The following PDGFD variants were observed in gnomAD, a reference collection of about 807,000 sequenced individuals.
PDGFD encodes platelet-derived growth factor D.
A neutral mutation model predicts 44.7 loss-of-function variants in PDGFD; 30 were observed. The observed-to-expected ratio is 0.67, with a 90% confidence interval of 0.50 to 0.91. The LOEUF is 0.91. PDGFD is among the 40% of genes least tolerant of loss of function. The pLI is 0.00. For missense variants in PDGFD, 445 were observed against 457.8 expected (o/e 0.97, Z 0.25); for synonymous variants, 173 against 168.4 (o/e 1.03, Z -0.21).
At position 104,038,109 on chromosome 11, in the gene PDGFD, C is replaced by T. The variant is rs1364532559; in HGVS notation, c.125-37854G>A. On this transcript the variant is annotated intron_variant, in intron 1 of 6. Transcript: ENST00000393158. ...TGGCAATGTAATCATTAAAAAACAT[C>T]AGTAACAACTAAACCTGGCCTTGGG... 9 of 1,259,722 alleles carry T rather than the reference C, an allele frequency of 7.1e-6. No homozygotes were observed. The Admixed American group carries it at 2.2e-4, about 30-fold the overall frequency. The allele number at this position is 1,259,722 out of a possible 1,614,324, so 78.0% of individuals were successfully genotyped here.
At chr11:104,103,395 A>G (rs1236754926) in intron 1 of PDGFD, among the ~76,000 whole-genome samples, 3 of 150,878 alleles carry the variant, frequency 2.0e-5, no homozygotes, top group Non-Finnish European at 3.0e-5. Flanking sequence ...TCACCTGAAC[A>G]TATTTCTTTC....
At chr11:104,122,514 C>T (rs889915167) in intron 1 of PDGFD, among the ~76,000 whole-genome samples, 3 of 151,962 alleles carry the variant, frequency 2.0e-5, no homozygotes, top group African/African-American at 7.2e-5. Flanking sequence ...ACAGCAGAAC[C>T]AGCAACCCAT....
intron 5 of PDGFD, among the ~76,000 whole-genome samples, chr11:103,936,742 T>C (rs147947465): frequency 0.011 from 1,668 of 152,268 alleles, 35 homozygotes; most frequent in African/African-American, 0.036. Flanking sequence ...ATCACATATT[T>C]CAAACGTCAT....
intron 1 of PDGFD, chr11:104,036,680 C>T (rs1001438638): frequency 1.5e-6 from 1 of 677,262 alleles, no homozygotes; most frequent in East Asian, 2.5e-5. Flanking sequence ...TGAGTGTCCG[C>T]GCCTCTCTGA....
At chr11:104,069,830 A>G (rs1325931010) in intron 1 of PDGFD, among the ~76,000 whole-genome samples, 1 of 151,744 alleles carries the variant, frequency 6.6e-6, no homozygotes. Flanking sequence ...ACTGCACTCC[A>G]GCCTGGGTGA....
intron 1 of PDGFD, among the ~76,000 whole-genome samples, chr11:104,138,964 G>A (rs1256770886): frequency 6.6e-6 from 1 of 152,104 alleles, no homozygotes; most frequent in Non-Finnish European, 1.5e-5. Context: ...TTTTGGTCAT[G>A]TTGGCCAAGC....
rs1288650838 is a variant in PDGFD at position 103,909,002 on chromosome 11, C to A, written c.*692G>T. 1 of 152,136 alleles carries A rather than the reference C, an allele frequency of 6.6e-6. No homozygotes were observed. The highest frequency in any genetic ancestry group is 6.5e-5 in the Admixed American group (1 of 15,272). The allele number at this position is 152,136 out of a possible 1,614,324, so 9.4% of individuals were successfully genotyped here. A position where few individuals can be genotyped will look rare whatever the true frequency, so the allele number is the denominator to read the frequency against. On this transcript the variant is annotated 3_prime_UTR_variant, in exon 7 of 7. Coordinates refer to ENST00000393158, the MANE Select transcript of PDGFD (RefSeq NM_025208.5). Reference sequence around the variant, plus strand: ...ATGCCTCAGCAAAATGCATAAAAAACACAATGATTTAATTTCTAAAGCACT... The same window carrying A: ...ATGCCTCAGCAAAATGCATAAAAAAAACAATGATTTAATTTCTAAAGCACT...
At chr11:104,021,462 C>A (rs1859951962) in intron 1 of PDGFD, among the ~76,000 whole-genome samples, 1 of 152,142 alleles carries the variant, frequency 6.6e-6, no homozygotes, top group African/African-American at 2.4e-5. Flanking sequence ...ACTGAGACAA[C>A]AGAATGCAGG....
intron 1 of PDGFD, among the ~76,000 whole-genome samples, chr11:104,099,493 G>T (rs760890634): frequency 2.6e-4 from 39 of 151,906 alleles, no homozygotes; most frequent in Non-Finnish European, 4.4e-4. Flanking sequence ...TTAGCCAGGT[G>T]TGGTGGCACA....
intron 1 of PDGFD, among the ~76,000 whole-genome samples, chr11:104,117,994 G>C (rs1346562917): frequency 6.6e-6 from 1 of 151,918 alleles, no homozygotes; most frequent in Non-Finnish European, 1.5e-5. Context: ...TTATTGTAAA[G>C]TGACTAAATT....
intron 3 of PDGFD, among the ~76,000 whole-genome samples, chr11:103,954,724 G>T (rs1056994146): frequency 2.0e-5 from 3 of 152,256 alleles, no homozygotes; most frequent in Admixed American, 1.3e-4. Context: ...AGAAAATAAA[G>T]AAATCCCTCT....
chr11:103,943,307 G>T, intron 5 of PDGFD, 145 bp downstream of exon 5: 1 of 735,284 alleles, frequency 1.4e-6, no homozygotes, highest in Non-Finnish European at 2.2e-6. Context: ...GAGCCAGCAA[G>T]TATAAATGTA....
intron 5 of PDGFD, among the ~76,000 whole-genome samples, chr11:103,941,118 G>A (rs1446447877): frequency 6.6e-6 from 1 of 152,030 alleles, no homozygotes; most frequent in African/African-American, 2.4e-5. Flanking sequence ...GACACTGGCT[G>A]TCTCTAAGGA....
intron 3 of PDGFD, among the ~76,000 whole-genome samples, chr11:103,993,301 T>C (rs1859487512): frequency 1.3e-5 from 2 of 151,890 alleles, no homozygotes; most frequent in South Asian, 4.1e-4. Context: ...GGACTTAAAC[T>C]TCTGGGCTCA....
chr11:103,985,321 G>A (rs565167430), intron 3 of PDGFD, among the ~76,000 whole-genome samples: 2 of 150,764 alleles, frequency 1.3e-5, no homozygotes, highest in Non-Finnish European at 2.9e-5. Flanking sequence ...TACCTCAGCT[G>A]CCCAAGTAGC....
In PDGFD at chr11:104,119,595, TA is replaced by T. The variant is rs1861732439; in HGVS notation, c.124+44208del. On this transcript the variant is annotated intron_variant, in intron 1 of 6. Coordinates refer to ENST00000393158, the MANE Select transcript of PDGFD (RefSeq NM_025208.5). The stretch of plus-strand genomic sequence containing the variant: ...ATTAATATAATATATTGATATAATA[TA>T]TAATATATTAATATAATATATTATG... Among the ~76,000 whole-genome samples, 3 of 95,480 alleles carry T rather than the reference TA, an allele frequency of 3.1e-5. No homozygotes were observed. The Admixed American group carries it at 5.3e-4, about 17-fold the overall frequency. The allele number at this position is 95,480 out of a possible 152,430, so 62.6% of individuals were successfully genotyped here.
At chr11:104,048,310 C>T (rs1198037280) in intron 1 of PDGFD, among the ~76,000 whole-genome samples, 1 of 151,690 alleles carries the variant, frequency 6.6e-6, no homozygotes, top group Non-Finnish European at 1.5e-5. Context: ...TGCAACAATA[C>T]TTAAATGATT....
chr11:103,994,207 G>A (rs629720), intron 3 of PDGFD, among the ~76,000 whole-genome samples: 101,562 of 152,056 alleles, frequency 0.67, 33,967 homozygotes, highest in Admixed American at 0.73. Context: ...GGAACATTCA[G>A]CTTACTCATA....
intron 5 of PDGFD, among the ~76,000 whole-genome samples, chr11:103,928,302 C>T (rs751344223): frequency 1.3e-5 from 2 of 152,286 alleles, no homozygotes; most frequent in African/African-American, 2.4e-5. Context: ...TGCACAGAAC[C>T]CACCACCCTT....
Sources: allele counts gnomAD v4.1 joint callset (sites outside exome capture counted in the v4.1 genomes callset), GRCh38; gene constraint gnomAD v4.1.1; transcripts MANE v1.5; gene names NCBI Gene and HGNC (gene_info 2026-07-23, HGNC 2026-07-21).